The following ZRANB3 variants were observed in gnomAD, a reference collection of about 807,000 sequenced individuals.
ZRANB3 encodes the protein zinc finger RANBP2-type containing 3, also known as DNA annealing helicase and endonuclease ZRANB3.
ZRANB3 carries 125 observed loss-of-function variants against 133.8 expected under a neutral mutation model. The observed-to-expected ratio is 0.93, with a 90% confidence interval of 0.81 to 1.08. The LOEUF is 1.08. Ranked by LOEUF, ZRANB3 falls within the 50% of genes least tolerant of loss-of-function variation. The pLI, the probability that ZRANB3 is intolerant of heterozygous loss-of-function variation, is 0.00. For synonymous variants in ZRANB3, 387 were observed against 432.7 expected (o/e 0.89, Z 1.31); for missense variants, 1,229 against 1,275.5 (o/e 0.96, Z 0.56).
intron 2 of ZRANB3, among the ~76,000 whole-genome samples, chr2:135,453,851 C>G (rs182052578): frequency 6.6e-6 from 1 of 152,252 alleles, no homozygotes; most frequent in South Asian, 2.1e-4. Context: ...TCCAAAGTCA[C>G]TTCCACATTT....
At chr2:135,298,626 C>T (rs1052983291) in intron 8 of ZRANB3, among the ~76,000 whole-genome samples, 1 of 152,158 alleles carries the variant, frequency 6.6e-6, no homozygotes, top group Non-Finnish European at 1.5e-5. Context: ...CTACTGGCCT[C>T]TGGGCTGGTA....
intron 2 of ZRANB3, among the ~76,000 whole-genome samples, chr2:135,413,107 T>G (rs1326005323): frequency 6.6e-6 from 1 of 152,200 alleles, no homozygotes; most frequent in Non-Finnish European, 1.5e-5. Flanking sequence ...AAATATAGGC[T>G]GCTTCACATA....
intron 2 of ZRANB3, among the ~76,000 whole-genome samples, chr2:135,467,096 T>C (rs1165721797): frequency 6.6e-6 from 1 of 152,232 alleles, no homozygotes; most frequent in Non-Finnish European, 1.5e-5. Flanking sequence ...GTAGGAACTA[T>C]GTCTCTCTTG....
chr2:135,321,411 C>T (rs561696750), intron 6 of ZRANB3, among the ~76,000 whole-genome samples: 6 of 151,850 alleles, frequency 4.0e-5, no homozygotes, highest in South Asian at 4.2e-4. Flanking sequence ...TTAGGTCAAG[C>T]GCCTTTCTAA....
At chr2:135,299,295 C>G (rs1682319401) in intron 8 of ZRANB3, among the ~76,000 whole-genome samples, 2 of 152,146 alleles carry the variant, frequency 1.3e-5, no homozygotes, top group South Asian at 4.1e-4. Flanking sequence ...GGAAAGCCTG[C>G]AGTGACAGGC....
At chr2:135,308,935 T>C (rs761786994) in intron 8 of ZRANB3, among the ~76,000 whole-genome samples, 1 of 152,056 alleles carries the variant, frequency 6.6e-6, no homozygotes, top group Non-Finnish European at 1.5e-5. Context: ...AAAGGAAGTT[T>C]CCTCTACATA....
chr2:135,280,264 A>T (rs1184464573), intron 8 of ZRANB3, among the ~76,000 whole-genome samples: 2 of 152,206 alleles, frequency 1.3e-5, no homozygotes, highest in Non-Finnish European at 2.9e-5. Flanking sequence ...ACTATACATT[A>T]TATCTTATTT....
intron 12 of ZRANB3, among the ~76,000 whole-genome samples, chr2:135,231,863 A>G (rs1037433203): frequency 6.6e-6 from 1 of 152,176 alleles, no homozygotes; most frequent in African/African-American, 2.4e-5. Context: ...TACAGCTTCC[A>G]GCATGACTGA....
rs144640947 is a variant in ZRANB3, at chr2:135,342,260, C to T, written c.677+3290G>A. On this transcript the variant is annotated intron_variant, in intron 6 of 20. Transcript: ENST00000264159. ...GAACCTACATTGAAATATTGGGGGC[C>T]GGTTCCCCCAATAGTGATCTGCCCA... 2.9e-4 allele frequency among the ~76,000 whole-genome samples: 43 copies of T among 149,754 alleles called. 5 individuals are homozygous for T. Among genetic ancestry groups the T allele is most frequent in the African/African-American group, 6.6e-4 (26 of 39,180 alleles).
In ZRANB3 at chr2:135,410,402, AT is replaced by A. The variant is rs527550138; in HGVS notation, c.162-19583del. ...CAATGGGGAAAGGACTCTATATTCA[AT>A]AAATGGTACTGGGATAACTGTCTAG... On this transcript the variant is annotated intron_variant, in intron 2 of 20. Coordinates refer to ENST00000264159, the MANE Select transcript of ZRANB3 (RefSeq NM_032143.4). Among the ~76,000 whole-genome samples the A allele has an allele frequency of 3.0e-4, 45 of 152,358 alleles. 1 individual carries two copies. Among genetic ancestry groups the A allele is most frequent in the African/African-American group, 1.1e-3 (45 of 41,586 alleles).
At chr2:135,345,515 T>C (rs762146952) in intron 6 of ZRANB3, 35 bp downstream of exon 6, 86 of 1,461,676 alleles carry the variant, frequency 5.9e-5, no homozygotes, top group Non-Finnish European at 8.1e-5. Flanking sequence ...AGTAAACATG[T>C]GAGGAAAAAA....
At chr2:135,330,336 G>A (rs891626990) in intron 6 of ZRANB3, among the ~76,000 whole-genome samples, 12 of 152,260 alleles carry the variant, frequency 7.9e-5, no homozygotes, top group East Asian at 3.9e-4. Context: ...CATTGGTTCC[G>A]TTTATGTGAT....
intron 2 of ZRANB3, among the ~76,000 whole-genome samples, chr2:135,458,551 G>A (rs928580477): frequency 1.3e-4 from 20 of 152,132 alleles, no homozygotes; most frequent in South Asian, 4.2e-4. Flanking sequence ...TACATACCAC[G>A]TTAACCACTT....
At chr2:135,228,728 GGGA>G (rs1254733372) in intron 13 of ZRANB3, among the ~76,000 whole-genome samples, 2 of 152,122 alleles carry the variant, frequency 1.3e-5, no homozygotes, top group South Asian at 4.1e-4. Flanking sequence ...GTAAAGAACA[GGGA>G]GGAGAAGATT....
At chr2:135,452,568 A>G (rs1472412836) in intron 2 of ZRANB3, among the ~76,000 whole-genome samples, 4 of 152,224 alleles carry the variant, frequency 2.6e-5, no homozygotes, top group African/African-American at 4.8e-5. Flanking sequence ...GAGTACAGGT[A>G]TGGGGTAAAT....
At chr2:135,439,951 T>C (rs532677828) in intron 2 of ZRANB3, among the ~76,000 whole-genome samples, 17 of 152,294 alleles carry the variant, frequency 1.1e-4, no homozygotes, top group African/African-American at 3.4e-4. Context: ...CAATTTATGT[T>C]ATATTCTAGA....
intron 17 of ZRANB3, among the ~76,000 whole-genome samples, chr2:135,213,599 T>C (rs1053566001): frequency 2.0e-4 from 30 of 152,282 alleles, no homozygotes; most frequent in Admixed American, 1.1e-3. Flanking sequence ...TCTCTAGATA[T>C]ACCTCCTTAA....
At chr2:135,228,327 T>C (rs1019766527) in intron 13 of ZRANB3, 1 of 208,226 alleles carries the variant, frequency 4.8e-6, no homozygotes, top group East Asian at 1.4e-4. Flanking sequence ...TTTTTTTTTT[T>C]CAGTAAGAAG....
At chr2:135,397,163 C>G (rs1687527654) in intron 2 of ZRANB3, among the ~76,000 whole-genome samples, 1 of 151,720 alleles carries the variant, frequency 6.6e-6, no homozygotes, top group Non-Finnish European at 1.5e-5. Flanking sequence ...AACCAAGAGA[C>G]CGGACAAGGT....
Sources: gnomAD v4.1 joint callset for allele counts (sites outside exome capture counted in the v4.1 genomes callset) on GRCh38, gnomAD v4.1.1 for gene constraint, MANE v1.5 for transcripts, NCBI Gene and HGNC (gene_info 2026-07-23, HGNC 2026-07-21) for gene names.